ANKFY1: variants seen among roughly 807,000 people sequenced by gnomAD.
The protein encoded by ANKFY1 is ankyrin repeat and FYVE domain-containing protein 1.
ANKFY1 carries 47 observed loss-of-function variants against 128.3 expected under a neutral mutation model. That is an observed-to-expected ratio of 0.37 (90% confidence interval 0.29 to 0.47). ANKFY1 has a LOEUF of 0.47. ANKFY1 is among the 20% of genes least tolerant of loss of function. ANKFY1 has a pLI of 1.00. For synonymous variants in ANKFY1, 553 were observed against 601.6 expected (o/e 0.92, Z 1.18); for missense variants, 1,222 against 1,510.6 (o/e 0.81, Z 3.17).
At position 4,179,236 on chromosome 17, in the gene ANKFY1, C is replaced by T. The variant is rs920519430; in HGVS notation, c.2398-179G>A. 7.3e-6 allele frequency: 5 copies of T among 683,086 alleles called. No individual in the cohort carries two copies. In the Admixed American group the frequency reaches 7.7e-5, roughly 10 times the overall value. 42.3% of individuals were successfully genotyped at this position (683,086 alleles called of 1,614,324 possible). ...AATGACTAAATGTCACTTCCTGTTA[C>T]ACCACGTTCCAGTGACCCAGTGGTG... On this transcript the variant is annotated intron_variant, in intron 17 of 24. Transcript: ENST00000341657.
chr17:4,261,439 T>C (rs967618557), intron 1 of ANKFY1, among the ~76,000 whole-genome samples: 1 of 152,052 alleles, frequency 6.6e-6, no homozygotes, highest in Non-Finnish European at 1.5e-5. Context: ...AAGATTGCGC[T>C]ATTGCACTCC....
chr17:4,175,976 C>T (rs534616865), intron 19 of ANKFY1, among the ~76,000 whole-genome samples: 68 of 152,312 alleles, frequency 4.5e-4, no homozygotes, highest in South Asian at 1.5e-3. Context: ...CCGTAACCTC[C>T]TCCAGCCCTA....
At chr17:4,212,616 T>C (rs2060152729) in intron 4 of ANKFY1, among the ~76,000 whole-genome samples, 1 of 152,164 alleles carries the variant, frequency 6.6e-6, no homozygotes, top group African/African-American at 2.4e-5. Flanking sequence ...CATTAGTGGA[T>C]TTCAGTACTG....
rs142727883 is a variant in ANKFY1, at chr17:4,263,888, C to T, written c.10+44G>A. The T allele has an allele frequency of 8.4e-3, 13,486 of 1,613,592 alleles. 80 individuals are homozygous for T. The highest frequency in any genetic ancestry group is 0.014 in the Middle Eastern group (85 of 6,012). On this transcript the variant is annotated intron_variant, in intron 1 of 24. Coordinates refer to ENST00000341657, the MANE Select transcript of ANKFY1 (RefSeq NM_001330063.2). ...AGCTTCGCACGGCCAGCAGCGCCCC[C>T]ACAGCTCCGTGTCTTCCCGCGCGGC...
At chr17:4,174,078 ACAGT>A in intron 19 of ANKFY1, 22 bp from the exon 20 acceptor site, 2 of 1,611,590 alleles carry the variant, frequency 1.2e-6, no homozygotes. Flanking sequence ...CATTACATGA[ACAGT>A]CAGTCTCTCT....
At position 4,187,157 on chromosome 17, in the gene ANKFY1, G is replaced by A. The variant is rs1395208394; in HGVS notation, c.1471-2111C>T. 5.7e-5 allele frequency: 32 copies of A among 558,948 alleles called. No individual in the cohort carries two copies. The East Asian group carries it at 1.1e-3, about 19-fold the overall frequency. The allele number at this position is 558,948 out of a possible 1,614,324, so 34.6% of individuals were successfully genotyped here. A position where few individuals can be genotyped will look rare whatever the true frequency, so the allele number is the denominator to read the frequency against. On this transcript the variant is annotated intron_variant, in intron 11 of 24. Transcript: ENST00000341657. The stretch of plus-strand genomic sequence containing the variant: ...CTTTTATCCCCCACCGCCCTCCCAA[G>A]CTTCCCCTCCAAGTTCCCAAATTCC...
chr17:4,197,840 C>T (rs1470387231), intron 7 of ANKFY1, among the ~76,000 whole-genome samples: 1 of 152,134 alleles, frequency 6.6e-6, no homozygotes, highest in Non-Finnish European at 1.5e-5. Context: ...TTTAAGAATA[C>T]TAGGCTGGGC....
At chr17:4,261,644 G>A (rs1447064409) in intron 1 of ANKFY1, among the ~76,000 whole-genome samples, 1 of 152,240 alleles carries the variant, frequency 6.6e-6, no homozygotes, top group East Asian at 1.9e-4. Flanking sequence ...GCCGGATGAT[G>A]AGTATGCTGA....
intron 1 of ANKFY1, chr17:4,263,524 G>A (rs1968535583): frequency 1.5e-5 from 20 of 1,311,150 alleles, no homozygotes; most frequent in East Asian, 4.7e-5. Flanking sequence ...TTCCGCAAGC[G>A]AGGGATGGAC....
chr17:4,206,384 T>C lies in ANKFY1; in HGVS notation c.835A>G (p.Lys279Glu), dbSNP rs749367442. 6.2e-7 allele frequency: 1 copy of C among 1,614,232 alleles called. No individual in the cohort carries two copies. Among genetic ancestry groups the C allele is most frequent in the Non-Finnish European group, 8.5e-7 (1 of 1,180,034 alleles). The change falls in exon 7 of 25, where the codon AAA becomes GAA. Residue 279 changes from lysine to glutamate, a missense_variant. By Grantham distance (56) the Lys-to-Glu change is moderately conservative. Transcript: ENST00000341657. Reference protein sequence around the residue: ...ESIATTLVSHKADVDMVDKSG... With the variant: ...ESIATTLVSHEADVDMVDKSG... Reference sequence around the variant, plus strand: ...TTGTCCACCATGTCCACATCAGCTTTGTGACTAACCAGCGTGGTGGCAATA... The same window carrying C: ...TTGTCCACCATGTCCACATCAGCTTCGTGACTAACCAGCGTGGTGGCAATA...
chr17:4,236,337 T>A (rs1049247966), intron 2 of ANKFY1, among the ~76,000 whole-genome samples: 16 of 152,120 alleles, frequency 1.1e-4, no homozygotes, highest in African/African-American at 3.9e-4. Flanking sequence ...TCAAGCAAGG[T>A]TAAACAGAAA....
At chr17:4,214,905 A>G (rs1269130172) in intron 4 of ANKFY1, among the ~76,000 whole-genome samples, 1 of 152,240 alleles carries the variant, frequency 6.6e-6, no homozygotes, top group Non-Finnish European at 1.5e-5. Context: ...ATCATTCTGT[A>G]TCCTCCAAAT....
chr17:4,205,039 T>C (rs1285495669), intron 7 of ANKFY1, among the ~76,000 whole-genome samples: 2 of 152,228 alleles, frequency 1.3e-5, no homozygotes, highest in Non-Finnish European at 2.9e-5. Context: ...CACATCTTGA[T>C]GTAACTACAT....
At position 4,242,317 on chromosome 17, in the gene ANKFY1, C is replaced by CGCT; in HGVS notation, c.139_141dup (p.Ser47dup). 1 of 1,596,108 alleles carries CGCT rather than the reference C, an allele frequency of 6.3e-7. No individual in the cohort carries two copies. Among genetic ancestry groups the CGCT allele is most frequent in the Non-Finnish European group, 8.5e-7 (1 of 1,173,538 alleles). ...GCCAGCAGACGGCTGATGAAGGACT[C>CGCT]GCTGCTGCTCTCCTTGTTTGCCTGC... On this transcript the variant is annotated inframe_insertion, in exon 2 of 25. Coordinates refer to ENST00000341657, the MANE Select transcript of ANKFY1 (RefSeq NM_001330063.2).
chr17:4,228,356 A>G (rs948246713), intron 3 of ANKFY1, among the ~76,000 whole-genome samples: 4 of 152,198 alleles, frequency 2.6e-5, no homozygotes, highest in African/African-American at 9.7e-5. Flanking sequence ...AGTGGATGGC[A>G]AAAGGGATGG....
intron 3 of ANKFY1, among the ~76,000 whole-genome samples, chr17:4,221,799 T>C (rs1026749472): frequency 2.0e-5 from 3 of 151,942 alleles, no homozygotes; most frequent in African/African-American, 7.3e-5. Context: ...TGTATTTTTG[T>C]AGAGATGAGG....
chr17:4,202,015 C>G (rs1290585615), intron 7 of ANKFY1, among the ~76,000 whole-genome samples: 1 of 152,148 alleles, frequency 6.6e-6, no homozygotes, highest in Non-Finnish European at 1.5e-5. Context: ...GACAAAGGGC[C>G]TTAATGAAAA....
At position 4,246,989 on chromosome 17, in the gene ANKFY1, G is replaced by A. The variant is rs551463371; in HGVS notation, c.11-4541C>T. Among the ~76,000 whole-genome samples, 44 of 151,898 alleles carry A rather than the reference G, an allele frequency of 2.9e-4. No individual in the cohort carries two copies. In the East Asian group the frequency reaches 2.9e-3, roughly 10 times the overall value. ...TGAGCCAGGGGTGGTAGTGGGCACC[G>A]GTAGTCCCAGCTACTCAGGAGGCTG... On this transcript the variant is annotated intron_variant, in intron 1 of 24. Coordinates refer to ENST00000341657, the MANE Select transcript of ANKFY1 (RefSeq NM_001330063.2).
intron 2 of ANKFY1, 51 bp from the exon 3 acceptor site, chr17:4,235,941 G>T: frequency 7.6e-7 from 1 of 1,318,636 alleles, no homozygotes; most frequent in Non-Finnish European, 1.1e-6. Context: ...TCATAACTAG[G>T]TATAGCTAGG....
Sources: gnomAD v4.1 joint callset for allele counts (sites outside exome capture counted in the v4.1 genomes callset) on GRCh38, gnomAD v4.1.1 for gene constraint, MANE v1.5 for transcripts, NCBI Gene and HGNC (gene_info 2026-07-23, HGNC 2026-07-21) for gene names.